The following TMEM51 variants were observed in gnomAD, a reference collection of about 807,000 sequenced individuals.
TMEM51 encodes transmembrane protein 51, also known as chromosome 1 open reading frame 72.
TMEM51 carries 8 observed loss-of-function variants against 13.6 expected under a neutral mutation model. The observed-to-expected ratio is 0.59, with a 90% CI of 0.35 to 1.07. TMEM51 has a LOEUF of 1.07. TMEM51 is among the 50% of genes least tolerant of loss of function. TMEM51 has a pLI of 0.02. For synonymous variants in TMEM51, 147 were observed against 144.4 expected, an observed-to-expected ratio of 1.02 and a Z score of -0.13; for missense variants, 279 against 330.7, an observed-to-expected ratio of 0.84 and a Z score of 1.21.
At chr1:15,219,119 A>C (rs1644472716) in intron 3 of TMEM51, among the ~76,000 whole-genome samples, 1 of 152,196 alleles carries the variant, frequency 6.6e-6, no homozygotes, top group Admixed American at 6.5e-5. Flanking sequence ...TGTTGTCAGG[A>C]ATCTGAAATT....
intron 1 of TMEM51, among the ~76,000 whole-genome samples, chr1:15,183,719 G>T (rs1220203290): frequency 1.3e-5 from 2 of 152,142 alleles, no homozygotes; most frequent in East Asian, 3.8e-4. Context: ...ATAGAAACAG[G>T]CAAGGCAACA....
At chr1:15,156,151 G>A (rs1038246289) in intron 1 of TMEM51, among the ~76,000 whole-genome samples, 1 of 152,210 alleles carries the variant, frequency 6.6e-6, no homozygotes, top group East Asian at 1.9e-4. Context: ...CCAGAGAGAA[G>A]TAGTGAGTGA....
At chr1:15,194,643 G>A (rs538853390) in intron 1 of TMEM51, among the ~76,000 whole-genome samples, 2 of 152,234 alleles carry the variant, frequency 1.3e-5, no homozygotes, top group African/African-American at 4.8e-5. Flanking sequence ...CTATCTTTTC[G>A]TTGTTATTCT....
At chr1:15,197,134 C>A (rs762128024) in intron 1 of TMEM51, among the ~76,000 whole-genome samples, 1 of 152,218 alleles carries the variant, frequency 6.6e-6, no homozygotes, top group Admixed American at 6.5e-5. Context: ...TCTTTCTCAG[C>A]AATTCCAGGG....
chr1:15,177,726 G>A (rs1026233270), intron 1 of TMEM51, among the ~76,000 whole-genome samples: 1 of 152,114 alleles, frequency 6.6e-6, no homozygotes, highest in African/African-American at 2.4e-5. Context: ...TGCATGATTT[G>A]CACCCTTGTA....
chr1:15,175,837 G>A (rs1343584168), intron 1 of TMEM51, among the ~76,000 whole-genome samples: 1 of 152,172 alleles, frequency 6.6e-6, no homozygotes, highest in Admixed American at 6.5e-5. Flanking sequence ...CTTGACACAT[G>A]GGATTCATTA....
intron 1 of TMEM51, among the ~76,000 whole-genome samples, chr1:15,195,762 TC>T (rs1184294863): frequency 6.6e-6 from 1 of 152,128 alleles, no homozygotes; most frequent in African/African-American, 2.4e-5. Context: ...TGAGCCTGAT[TC>T]CAGACTCCAG....
At chr1:15,166,195 C>T (rs1454572398) in intron 1 of TMEM51, among the ~76,000 whole-genome samples, 1 of 152,168 alleles carries the variant, frequency 6.6e-6, no homozygotes, top group Non-Finnish European at 1.5e-5. Context: ...CCATTTGGAA[C>T]TTTAATGACC....
At chr1:15,193,045 TG>T (rs903888261) in intron 1 of TMEM51, among the ~76,000 whole-genome samples, 1 of 152,120 alleles carries the variant, frequency 6.6e-6, no homozygotes, top group African/African-American at 2.4e-5. Flanking sequence ...CCGGGGGCAT[TG>T]GGGCGGGTGC....
intron 2 of TMEM51, among the ~76,000 whole-genome samples, chr1:15,213,873 G>T (rs1216988305): frequency 6.6e-6 from 1 of 151,778 alleles, no homozygotes; most frequent in Non-Finnish European, 1.5e-5. Flanking sequence ...ACAGAGTCTT[G>T]CTCTGTCACC....
intron 1 of TMEM51, among the ~76,000 whole-genome samples, chr1:15,206,594 C>T (rs1202216447): frequency 6.6e-6 from 1 of 152,116 alleles, no homozygotes; most frequent in Admixed American, 6.6e-5. Flanking sequence ...GTCCAAGACT[C>T]CAAGATGGTG....
chr1:15,165,295 G>A (rs1007902540), intron 1 of TMEM51, among the ~76,000 whole-genome samples: 2 of 151,946 alleles, frequency 1.3e-5, no homozygotes, highest in Non-Finnish European at 2.9e-5. Flanking sequence ...CAGTCTGGGT[G>A]ACCCTGTCTC....
intron 1 of TMEM51, chr1:15,192,921 T>C (rs742671): frequency 0.76 from 116,777 of 154,212 alleles, 44,600 homozygotes; most frequent in East Asian, 0.96. Context: ...TTTGCTTCTA[T>C]GCTTCATAGT....
chr1:15,188,164 C>T lies in TMEM51; in HGVS notation c.-266-22326C>T, dbSNP rs192113478. Among the ~76,000 whole-genome samples, 10 of 152,328 alleles carry T rather than the reference C, an allele frequency of 6.6e-5. No individual in the cohort carries two copies. In the East Asian group the frequency reaches 1.2e-3, roughly 18 times the overall value. On this transcript the variant is annotated intron_variant, in intron 1 of 3. Transcript: ENST00000376008. ...CTGGAGTTTCTCTGAATCTCCACCT[C>T]GGCTCGCGTTAGCTCCCTGCTGGTC...
At chr1:15,189,052 T>A (rs970774924) in intron 1 of TMEM51, among the ~76,000 whole-genome samples, 2 of 152,022 alleles carry the variant, frequency 1.3e-5, no homozygotes, top group Admixed American at 6.5e-5. Flanking sequence ...CATTATATAT[T>A]TTTTTGGAGA....
intron 1 of TMEM51, among the ~76,000 whole-genome samples, chr1:15,202,952 C>T (rs11579534): frequency 0.013 from 2,036 of 152,256 alleles, 47 homozygotes; most frequent in African/African-American, 0.046. Context: ...CCTTCTGGGC[C>T]TCTGTAAAGA....
rs1037740604 is a variant in TMEM51, at chr1:15,161,854, G to A, written c.-267+7900G>A. Among the ~76,000 whole-genome samples, 6 of 151,960 alleles carry A rather than the reference G, an allele frequency of 3.9e-5. No homozygotes were observed. The highest frequency in any genetic ancestry group is 8.8e-5 in the Non-Finnish European group (6 of 68,034). ...TGAGGCAGAAGAATGGCTTGAACCC[G>A]GGAGGCGGAGGTTGCAGTGAGCCGA... On this transcript the variant is annotated intron_variant, in intron 1 of 3. Transcript: ENST00000376008. This position sits in a 1 kb window ranked among gnomAD's most constrained non-coding sequence, Gnocchi z 4.0.
chr1:15,203,130 G>A (rs148730920), intron 1 of TMEM51, among the ~76,000 whole-genome samples: 361 of 152,272 alleles, frequency 2.4e-3, no homozygotes, highest in African/African-American at 8.2e-3. Context: ...TTAGAGCCTT[G>A]GCTCTGTGGT....
At chr1:15,171,323 A>C (rs1350547030) in intron 1 of TMEM51, 1 of 1,303,522 alleles carries the variant, frequency 7.7e-7, no homozygotes, top group Non-Finnish European at 1.0e-6. Flanking sequence ...GACCTATGAG[A>C]TAAGGGGTTT....
Sources: allele counts gnomAD v4.1 joint callset (sites outside exome capture counted in the v4.1 genomes callset), GRCh38; gene constraint gnomAD v4.1.1; non-coding constraint Gnocchi (gnomAD v3.1); transcripts MANE v1.5; gene names NCBI Gene and HGNC (gene_info 2026-07-23, HGNC 2026-07-21).